ST6GALNAC3: variants seen among roughly 807,000 people sequenced by gnomAD.
The protein encoded by ST6GALNAC3 is ST6 N-acetylgalactosaminide alpha-2,6-sialyltransferase 3.
In ST6GALNAC3, 25 loss-of-function variants were observed where a neutral mutation model predicts 32.7. The observed-to-expected ratio is 0.76, with a 90% CI of 0.56 to 1.07. The LOEUF (loss-of-function observed/expected upper bound fraction) is 1.07, where lower values mean the gene tolerates loss of function less well. ST6GALNAC3 is among the 50% of genes least tolerant of loss of function. ST6GALNAC3 has a pLI of 0.00. For missense variants in ST6GALNAC3, 355 were observed against 382.4 expected, an observed-to-expected ratio of 0.93 and a Z score of 0.60; for synonymous variants, 129 against 133.1, an observed-to-expected ratio of 0.97 and a Z score of 0.21.
chr1:76,150,829 A>T (rs1650996429), intron 1 of ST6GALNAC3, among the ~76,000 whole-genome samples: 1 of 152,212 alleles, frequency 6.6e-6, no homozygotes, highest in African/African-American at 2.4e-5. Context: ...GTGGACTGGG[A>T]ACCAGAAGGT....
At chr1:76,084,391 C>A (rs1646937969) in intron 1 of ST6GALNAC3, among the ~76,000 whole-genome samples, 1 of 152,168 alleles carries the variant, frequency 6.6e-6, no homozygotes, top group Non-Finnish European at 1.5e-5. Context: ...TGAGTTTTCC[C>A]AAGGGAGTGC....
At chr1:76,360,882 C>T (rs1264287124) in intron 2 of ST6GALNAC3, among the ~76,000 whole-genome samples, 1 of 152,096 alleles carries the variant, frequency 6.6e-6, no homozygotes, top group Non-Finnish European at 1.5e-5. Context: ...TTAAACCTTT[C>T]CTTTCATGTA....
intron 3 of ST6GALNAC3, among the ~76,000 whole-genome samples, chr1:76,595,572 G>C (rs1184643298): frequency 1.3e-5 from 2 of 152,072 alleles, no homozygotes; most frequent in Non-Finnish European, 2.9e-5. Flanking sequence ...TAGTGGACAA[G>C]AATCATTTCA....
intron 2 of ST6GALNAC3, among the ~76,000 whole-genome samples, chr1:76,338,993 T>C (rs1258224205): frequency 1.3e-5 from 2 of 152,074 alleles, no homozygotes; most frequent in Non-Finnish European, 2.9e-5. Flanking sequence ...ACACTGTCAA[T>C]TGGTCGCCAT....
intron 2 of ST6GALNAC3, among the ~76,000 whole-genome samples, chr1:76,397,856 G>A (rs1007516377): frequency 2.0e-5 from 3 of 151,974 alleles, no homozygotes; most frequent in Non-Finnish European, 4.4e-5. Context: ...GTTGTGGCTG[G>A]TTACCATTTT....
At chr1:76,269,991 T>C (rs997699063) in intron 1 of ST6GALNAC3, among the ~76,000 whole-genome samples, 2 of 152,172 alleles carry the variant, frequency 1.3e-5, no homozygotes, top group African/African-American at 2.4e-5. Context: ...TGCTCCCTAA[T>C]AGAGCCTCAT....
chr1:76,311,010 G>A (rs1295973665), intron 1 of ST6GALNAC3, among the ~76,000 whole-genome samples: 1 of 152,080 alleles, frequency 6.6e-6, no homozygotes, highest in Non-Finnish European at 1.5e-5. Context: ...CCAAATCTGA[G>A]GAATCTCTGA....
intron 1 of ST6GALNAC3, among the ~76,000 whole-genome samples, chr1:76,178,604 A>T (rs12080978): frequency 0.2 from 30,606 of 152,130 alleles, 3,219 homozygotes; most frequent in African/African-American, 0.23. Context: ...GCCGGGTATG[A>T]AAACTACTGA....
chr1:76,228,894 T>C (rs1656215251), intron 1 of ST6GALNAC3, among the ~76,000 whole-genome samples: 2 of 152,188 alleles, frequency 1.3e-5, no homozygotes, highest in South Asian at 2.1e-4. Context: ...ACCCTGCGCA[T>C]TGATGGTCAT....
intron 2 of ST6GALNAC3, among the ~76,000 whole-genome samples, chr1:76,395,615 A>G (rs932453417): frequency 6.0e-5 from 8 of 132,958 alleles, no homozygotes; most frequent in African/African-American, 2.0e-4. Flanking sequence ...ACACACACGC[A>G]CACACAGAGG....
chr1:76,370,198 G>A (rs1204769841), intron 2 of ST6GALNAC3, among the ~76,000 whole-genome samples: 2 of 152,026 alleles, frequency 1.3e-5, no homozygotes, highest in Non-Finnish European at 2.9e-5. Context: ...TCCCTATTCC[G>A]TGTTGCAAAT....
chr1:76,336,363 C>T (rs1267409524), intron 2 of ST6GALNAC3, among the ~76,000 whole-genome samples: 2 of 152,084 alleles, frequency 1.3e-5, no homozygotes, highest in African/African-American at 4.8e-5. Flanking sequence ...TCATGGAATG[C>T]CCTTAAATTT....
chr1:76,177,602 T>C (rs891150960), intron 1 of ST6GALNAC3, among the ~76,000 whole-genome samples: 6 of 152,298 alleles, frequency 3.9e-5, no homozygotes, highest in Admixed American at 6.5e-5. Flanking sequence ...CCCTAGGCCA[T>C]TGTGCTTTGT....
rs372217861 is a variant in ST6GALNAC3 at position 76,100,511 on chromosome 1, C to T, written c.18+25627C>T. Among the ~76,000 whole-genome samples the T allele has an allele frequency of 4.3e-4, 65 of 152,186 alleles. 3 individuals carry two copies. Among genetic ancestry groups the T allele is most frequent in the African/African-American group, 1.4e-3 (57 of 41,522 alleles). ...ATATTTGTAAAATGTTGAACAACCA[C>T]GCATTTCTGGAAGCAACCCAATTGG... On this transcript the variant is annotated intron_variant, in intron 1 of 4. Transcript: ENST00000328299.
At chr1:76,208,290 A>G (rs544677146) in intron 1 of ST6GALNAC3, among the ~76,000 whole-genome samples, 1 of 152,376 alleles carries the variant, frequency 6.6e-6, no homozygotes, top group East Asian at 1.9e-4. Flanking sequence ...TCATTAAAAC[A>G]GTGATTCAGT....
chr1:76,261,229 G>A (rs577372145), intron 1 of ST6GALNAC3, among the ~76,000 whole-genome samples: 2 of 152,116 alleles, frequency 1.3e-5, no homozygotes, highest in African/African-American at 4.8e-5. Flanking sequence ...GTCTTTTAAT[G>A]GCTACATAAT....
At chr1:76,170,700 A>G (rs1570292248) in intron 1 of ST6GALNAC3, among the ~76,000 whole-genome samples, 1 of 152,176 alleles carries the variant, frequency 6.6e-6, no homozygotes, top group Admixed American at 6.5e-5. Flanking sequence ...TGATATACTC[A>G]GGACTGTGAA....
chr1:76,188,146 GA>G (rs1653680172), intron 1 of ST6GALNAC3, among the ~76,000 whole-genome samples: 1 of 152,104 alleles, frequency 6.6e-6, no homozygotes, highest in South Asian at 2.1e-4. Flanking sequence ...GGTGGATCAC[GA>G]GGTCAGGAGT....
At chr1:76,309,902 C>G in intron 1 of ST6GALNAC3, 1 of 457,138 alleles carries the variant, frequency 2.2e-6, no homozygotes, top group Non-Finnish European at 4.4e-6. Flanking sequence ...TGCCAGGGAG[C>G]AGGCTTTTAC....
Sources: allele counts gnomAD v4.1 joint callset (sites outside exome capture counted in the v4.1 genomes callset), GRCh38; gene constraint gnomAD v4.1.1; transcripts MANE v1.5; gene names NCBI Gene and HGNC (gene_info 2026-07-23, HGNC 2026-07-21).